Variants in HIVEP3 observed in about 807,000 individuals in gnomAD.
HIVEP3 encodes transcription factor HIVEP3.
HIVEP3 carries 49 observed loss-of-function variants against 152.8 expected under a neutral mutation model. That is an observed-to-expected ratio of 0.32 (90% CI 0.26 to 0.41). The LOEUF (loss-of-function observed/expected upper bound fraction) is 0.41. Among genes scored for constraint, HIVEP3 ranks in the 10% least tolerant of loss-of-function variants. The pLI is 1.00. For missense variants in HIVEP3, 2,790 were observed against 3,103.3 expected (o/e 0.90, Z 2.40); for synonymous variants, 1,269 against 1,289.0 (o/e 0.98, Z 0.33).
At chr1:41,714,361 C>G (rs1227533799) in intron 1 of HIVEP3, among the ~76,000 whole-genome samples, 1 of 152,168 alleles carries the variant, frequency 6.6e-6, no homozygotes, top group Non-Finnish European at 1.5e-5. Flanking sequence ...TTGAGTGTTT[C>G]CCATGGGTAC....
intron 1 of HIVEP3, among the ~76,000 whole-genome samples, chr1:41,729,022 C>A (rs796211837): frequency 6.6e-6 from 1 of 152,326 alleles, no homozygotes; most frequent in African/African-American, 2.4e-5. Context: ...CAGTCACCAT[C>A]TCCCACATGG....
chr1:41,920,899 T>G (rs1455923529), upstream of HIVEP3, among the ~76,000 whole-genome samples: 2 of 152,220 alleles, frequency 1.3e-5, no homozygotes, highest in Admixed American at 1.3e-4. Context: ...TTAGTGTGAC[T>G]CACCATTTAA....
rs182114633 is a variant in HIVEP3, at chr1:41,550,611, C to T, written c.5207+24933G>A. ...TTCACATCCCTTGTAGGTTGGATTC[C>T]TAGGTATTTTATTCTCTTTGTAGCA... On this transcript the variant is annotated intron_variant, in intron 5 of 8. Transcript: ENST00000372583. Among the ~76,000 whole-genome samples the T allele has an allele frequency of 2.2e-3, 336 of 152,150 alleles. 1 individual carries two copies. The highest frequency in any genetic ancestry group is 3.7e-3 in the Non-Finnish European group (253 of 67,984).
chr1:41,797,244 C>T (rs796634321), intron 1 of HIVEP3, among the ~76,000 whole-genome samples: 7 of 152,332 alleles, frequency 4.6e-5, no homozygotes, highest in African/African-American at 1.4e-4. Context: ...CAGGAAGCTC[C>T]TGCTCATTTT....
Position 41,664,672 on chromosome 1 carries a change from C to T in HIVEP3, c.-720-35725G>A, listed in dbSNP as rs1018355020. ...ATCCTAAGACAAACTAACCAGAGGACGGGGGAGAATTTACCCAACCCAGAA... is the reference window on the plus strand; with the variant it reads ...ATCCTAAGACAAACTAACCAGAGGATGGGGGAGAATTTACCCAACCCAGAA... On this transcript the variant is annotated intron_variant, in intron 2 of 8. Transcript: ENST00000372583. The surrounding 1 kb of genome is among the most constrained non-coding windows in gnomAD (Gnocchi z 4.4). Among the ~76,000 whole-genome samples the T allele has an allele frequency of 2.0e-5, 3 of 152,166 alleles. No individual in the cohort carries two copies. The highest frequency in any genetic ancestry group is 4.8e-5 in the African/African-American group (2 of 41,436).
chr1:41,590,748 G>A (rs745834453), intron 3 of HIVEP3, among the ~76,000 whole-genome samples: 7 of 152,202 alleles, frequency 4.6e-5, no homozygotes, highest in South Asian at 2.1e-4. Context: ...GGGACACAGG[G>A]AGAGGTAGCA....
intron 2 of HIVEP3, among the ~76,000 whole-genome samples, chr1:41,684,409 G>A (rs1646085090): frequency 6.6e-6 from 1 of 152,196 alleles, no homozygotes. Context: ...AGCTCACATG[G>A]CCTCTCCAGG....
intron 1 of HIVEP3, among the ~76,000 whole-genome samples, chr1:42,022,593 T>G (rs1419944669): frequency 6.6e-6 from 1 of 152,218 alleles, no homozygotes; most frequent in Admixed American, 6.5e-5. Context: ...TGTTTTATAT[T>G]TCTATATATT....
At chr1:41,637,918 T>TTTC (rs1645302105) in intron 2 of HIVEP3, among the ~76,000 whole-genome samples, 1 of 152,150 alleles carries the variant, frequency 6.6e-6, no homozygotes, top group African/African-American at 2.4e-5. Context: ...TGAAAACAGT[T>TTTC]AAGAGGCCAA....
At chr1:41,515,593 G>A (rs1263815147) in intron 7 of HIVEP3, among the ~76,000 whole-genome samples, 5 of 152,214 alleles carry the variant, frequency 3.3e-5, no homozygotes, top group African/African-American at 1.2e-4. Flanking sequence ...CCCAGTGAGA[G>A]CTGGTGGCTG....
intron 5 of HIVEP3, among the ~76,000 whole-genome samples, chr1:41,557,023 A>G (rs1244788014): frequency 6.6e-6 from 1 of 152,162 alleles, no homozygotes; most frequent in Non-Finnish European, 1.5e-5. Flanking sequence ...CACTGTTTCA[A>G]TTACTGTATT....
chr1:41,989,029 G>A (rs554196623), intron 1 of HIVEP3, among the ~76,000 whole-genome samples: 2 of 152,306 alleles, frequency 1.3e-5, no homozygotes, highest in African/African-American at 4.8e-5. Flanking sequence ...ACTCATAGAA[G>A]CAGAGAATAA....
intron 5 of HIVEP3, among the ~76,000 whole-genome samples, chr1:41,534,605 G>A (rs1301052244): frequency 6.6e-6 from 1 of 152,202 alleles, no homozygotes; most frequent in East Asian, 1.9e-4. Context: ...TCATCCCTGC[G>A]CGGGTGAGGA....
intron 2 of HIVEP3, among the ~76,000 whole-genome samples, chr1:41,632,269 C>T (rs1645206414): frequency 6.6e-6 from 1 of 152,184 alleles, no homozygotes; most frequent in South Asian, 2.1e-4. Flanking sequence ...AACAGATGTC[C>T]ACTCAGTGCC....
intron 1 of HIVEP3, among the ~76,000 whole-genome samples, chr1:41,791,614 G>A (rs933189057): frequency 3.9e-5 from 5 of 127,602 alleles, no homozygotes; most frequent in Admixed American, 1.5e-4. Flanking sequence ...GCCTGGGAAT[G>A]CTGATATTGT....
In HIVEP3 at chr1:41,631,731, G is replaced by A. The variant is rs117193871; in HGVS notation, c.-720-2784C>T. 2.5e-3 allele frequency among the ~76,000 whole-genome samples: 387 copies of A among 152,158 alleles called. 5 individuals are homozygous for A. In the South Asian group the frequency reaches 0.034, roughly 13 times the overall value. On this transcript the variant is annotated intron_variant, in intron 2 of 8. Coordinates refer to ENST00000372583, the MANE Select transcript of HIVEP3 (RefSeq NM_024503.5). ...CTATCAATCAGTTCCTGATTCTGCCGTCCGAACCAGCCCAATTTCTCACTA... is the reference window on the plus strand; with the variant it reads ...CTATCAATCAGTTCCTGATTCTGCCATCCGAACCAGCCCAATTTCTCACTA...
chr1:41,618,942 C>A (rs2149139426), intron 3 of HIVEP3, among the ~76,000 whole-genome samples: 1 of 152,350 alleles, frequency 6.6e-6, no homozygotes, highest in Non-Finnish European at 1.5e-5. Context: ...CAGTTGCCAC[C>A]CTGGTGTGTG....
intron 1 of HIVEP3, among the ~76,000 whole-genome samples, chr1:41,701,460 G>C (rs576196411): frequency 6.6e-6 from 1 of 152,356 alleles, no homozygotes; most frequent in African/African-American, 2.4e-5. Context: ...GAGTGTGACA[G>C]CCTAGATCCA....
At chr1:41,520,241 G>A (rs1039717843) in intron 6 of HIVEP3, among the ~76,000 whole-genome samples, 1 of 152,278 alleles carries the variant, frequency 6.6e-6, no homozygotes, top group East Asian at 1.9e-4. Flanking sequence ...TCCCTGAGGT[G>A]TCCAAGTCAA....
Sources: gnomAD v4.1 joint callset for allele counts (sites outside exome capture counted in the v4.1 genomes callset) on GRCh38, gnomAD v4.1.1 for gene constraint, Gnocchi (gnomAD v3.1) non-coding constraint, MANE v1.5 for transcripts, NCBI Gene and HGNC (gene_info 2026-07-23, HGNC 2026-07-21) for gene names.